ACTL6B: variants seen among roughly 807,000 people sequenced by gnomAD.
ACTL6B encodes actin-like protein 6B.
In ACTL6B, 48 loss-of-function variants were observed where a neutral mutation model predicts 63.3. The ratio of observed to expected loss-of-function variants is 0.76; its 90% CI spans 0.60 to 0.96. The LOEUF (loss-of-function observed/expected upper bound fraction) is 0.96. Among genes scored for constraint, ACTL6B ranks in the 50% least tolerant of loss-of-function variants. ACTL6B has a pLI of 0.00. For missense variants in ACTL6B, 350 were observed against 572.2 expected, an observed-to-expected ratio of 0.61 and a Z score of 3.96; for synonymous variants, 230 against 223.8, an observed-to-expected ratio of 1.03 and a Z score of -0.25.
At chr7:100,645,536 C>T (rs780663137) in intron 13 of ACTL6B, among the ~76,000 whole-genome samples, 1 of 152,126 alleles carries the variant, frequency 6.6e-6, no homozygotes, top group Non-Finnish European at 1.5e-5. Context: ...ACTCCCTTGC[C>T]CCAAAACATC....
rs759937974 is a variant in ACTL6B at position 100,655,788 on chromosome 7, G to A, written c.102+15C>T. ...CGAAGCCCCTAGGATTTGGAGAGGA[G>A]ACTGGAAGGCTCACCTTGGGACAGT... is the stretch of plus-strand genomic sequence containing the variant. On this transcript the variant is annotated intron_variant, in intron 2 of 13. Coordinates refer to ENST00000160382, the MANE Select transcript of ACTL6B (RefSeq NM_016188.5). This position sits in a 1 kb window ranked among gnomAD's most constrained non-coding sequence, Gnocchi z 4.4. The A allele has an allele frequency of 1.5e-5, 24 of 1,560,748 alleles. No individual in the cohort carries two copies. Among genetic ancestry groups the A allele is most frequent in the Non-Finnish European group, 2.1e-5 (24 of 1,151,932 alleles).
chr7:100,648,713 C>T lies in ACTL6B; in HGVS notation c.562+16G>A, dbSNP rs758542392. ...TGGTCCTCCTGGAGCACCCCCACCC[C>T]CTGCCGAAGCCCCACCTTGCTGCAG... On this transcript the variant is annotated intron_variant, in intron 6 of 13. Transcript: ENST00000160382. The surrounding 1 kb of genome is among the most constrained non-coding windows in gnomAD (Gnocchi z 4.4). The T allele has an allele frequency of 6.2e-7, 1 of 1,613,912 alleles. No individual in the cohort carries two copies. Among genetic ancestry groups the T allele is most frequent in the Non-Finnish European group, 8.5e-7 (1 of 1,179,928 alleles).
At chr7:100,652,643 A>G (rs1164213960) in intron 4 of ACTL6B, among the ~76,000 whole-genome samples, 3 of 151,856 alleles carry the variant, frequency 2.0e-5, no homozygotes, top group Non-Finnish European at 2.9e-5. Context: ...ACGTCTTGAC[A>G]AAAGATACAA....
Position 100,646,344 on chromosome 7 carries a change from A to T in ACTL6B, c.1114-9T>A. On this transcript the variant is annotated splice_polypyrimidine_tract_variant and intron_variant, in intron 12 of 13. Coordinates refer to ENST00000160382, the MANE Select transcript of ACTL6B (RefSeq NM_016188.5). The surrounding 1 kb of genome is among the most constrained non-coding windows in gnomAD (Gnocchi z 6.1). ...AGTTTCAGTCGCATGCTCTGGGGGT[A>T]AAAAGGGGCTGGGGGAAGCAGACAC... 1 of 1,613,318 alleles carries T rather than the reference A, an allele frequency of 6.2e-7. No homozygotes were observed. The highest frequency in any genetic ancestry group is 8.5e-7 in the Non-Finnish European group (1 of 1,179,672).
chr7:100,644,096 C>T (rs1420166503), intron 13 of ACTL6B, among the ~76,000 whole-genome samples: 6 of 152,184 alleles, frequency 3.9e-5, no homozygotes, highest in South Asian at 2.1e-4. Flanking sequence ...GACAGGGTTT[C>T]GCCATGTTGG....
chr7:100,648,958 C>A lies in ACTL6B; in HGVS notation c.468-135G>T. The A allele has an allele frequency of 1.3e-6, 1 of 741,018 alleles. No individual in the cohort carries two copies. The highest frequency in any genetic ancestry group is 2.1e-6 in the Non-Finnish European group (1 of 476,780). 45.9% of individuals were successfully genotyped at this position (741,018 alleles called of 1,614,324 possible). On this transcript the variant is annotated intron_variant, in intron 5 of 13. Transcript: ENST00000160382. The surrounding 1 kb of genome is among the most constrained non-coding windows in gnomAD (Gnocchi z 4.4). ...TGCAAATCTCTCCCCCTGGTGATGACTCATCTCCTGGAGAAAGGCTCTGAG... is the reference window on the plus strand; with the variant it reads ...TGCAAATCTCTCCCCCTGGTGATGAATCATCTCCTGGAGAAAGGCTCTGAG...
In ACTL6B at chr7:100,656,377, GCC is replaced by G; in HGVS notation, c.-25_-24del. 4.5e-6 allele frequency: 6 copies of G among 1,322,708 alleles called. No individual in the cohort carries two copies. Among genetic ancestry groups the G allele is most frequent in the Non-Finnish European group, 5.8e-6 (6 of 1,032,086 alleles). 81.9% of individuals were successfully genotyped at this position (1,322,708 alleles called of 1,614,324 possible). Reference sequence around the variant, plus strand: ...CATAGTGCCCGCTGCGCTGCTAGCGGCCCGTGGGCGGTGGCGGGATCAGCACC... The same window carrying G: ...CATAGTGCCCGCTGCGCTGCTAGCGGCGTGGGCGGTGGCGGGATCAGCACC... On this transcript the variant is annotated 5_prime_UTR_variant, in exon 1 of 14. Coordinates refer to ENST00000160382, the MANE Select transcript of ACTL6B (RefSeq NM_016188.5).
chr7:100,655,967 G>T lies in ACTL6B; in HGVS notation c.26-88C>A. The T allele has an allele frequency of 7.4e-7, 1 of 1,357,574 alleles. No homozygotes were observed. Among genetic ancestry groups the T allele is most frequent in the Non-Finnish European group, 1.0e-6 (1 of 995,796 alleles). The allele number at this position is 1,357,574 out of a possible 1,614,324, so 84.1% of individuals were successfully genotyped here. Reference sequence around the variant, plus strand: ...GAGAGAAAGTCAGGGCAGAGCCACAGTCTCGCCACTTTCAACACCAGTCTG... The same window carrying T: ...GAGAGAAAGTCAGGGCAGAGCCACATTCTCGCCACTTTCAACACCAGTCTG... On this transcript the variant is annotated intron_variant, in intron 1 of 13. Transcript: ENST00000160382. The surrounding 1 kb of genome is among the most constrained non-coding windows in gnomAD (Gnocchi z 4.4).
chr7:100,647,533 C>T lies in ACTL6B; in HGVS notation c.670G>A (p.Glu224Lys), dbSNP rs1803847810. The change falls in exon 8 of 14, where the codon GAG becomes AAG. Residue 224 changes from glutamate (E) to lysine (K), a missense_variant and splice_region_variant. Physicochemically the swap from Glu to Lys is moderately conservative, Grantham distance 56. Transcript: ENST00000160382. The surrounding 1 kb of genome is among the most constrained non-coding windows in gnomAD (Gnocchi z 4.4). ...IIPPYMIAAK[E>K]PVREGAPPNW... Reference sequence around the variant, plus strand: ...GGGGGGGCACCCTCCCGGACAGGCTCCTGTGGGGGCACAGTGTAGGAACAC... The same window carrying T: ...GGGGGGGCACCCTCCCGGACAGGCTTCTGTGGGGGCACAGTGTAGGAACAC... The T allele has an allele frequency of 1.9e-6, 3 of 1,592,612 alleles. No individual in the cohort carries two copies. The highest frequency in any genetic ancestry group is 1.7e-6 in the Non-Finnish European group (2 of 1,169,662).
At chr7:100,654,938 G>T in intron 4 of ACTL6B, 81 bp downstream of exon 4, 1 of 1,206,152 alleles carries the variant, frequency 8.3e-7, no homozygotes, top group African/African-American at 1.5e-5. Flanking sequence ...AGTGGCTTGA[G>T]GGGAGAGGAG....
At chr7:100,643,753 T>C (rs1803766951) in intron 13 of ACTL6B, among the ~76,000 whole-genome samples, 1 of 152,122 alleles carries the variant, frequency 6.6e-6, no homozygotes, top group Non-Finnish European at 1.5e-5. Context: ...CCAAGGAAGA[T>C]ATTCCCTCCA....
chr7:100,656,196 G>T, intron 1 of ACTL6B, 134 bp downstream of exon 1: 2 of 1,100,716 alleles, frequency 1.8e-6, no homozygotes, highest in Non-Finnish European at 2.4e-6. Context: ...GCGCAGGGGT[G>T]GCGGGAGACC....
At chr7:100,656,220 C>T in intron 1 of ACTL6B, 110 bp downstream of exon 1, 1 of 1,256,948 alleles carries the variant, frequency 8.0e-7, no homozygotes. Flanking sequence ...GCCTGAGACT[C>T]GACCCGCTCG....
Position 100,643,183 on chromosome 7 carries a change from G to A in ACTL6B, c.*63C>T. On this transcript the variant is annotated 3_prime_UTR_variant, in exon 14 of 14. Coordinates refer to ENST00000160382, the MANE Select transcript of ACTL6B (RefSeq NM_016188.5). ...AGAGGGAAAGGAGGAGGGGGGCAAT[G>A]TGGCATGGGGGTTAAGGGACTTCCA... The A allele has an allele frequency of 6.8e-7, 1 of 1,460,908 alleles. No homozygotes were observed. Among genetic ancestry groups the A allele is most frequent in the Non-Finnish European group, 9.6e-7 (1 of 1,043,136 alleles). The allele number at this position is 1,460,908 out of a possible 1,614,324, so 90.5% of individuals were successfully genotyped here. A position where few individuals can be genotyped will look rare whatever the true frequency, so the allele number is the denominator to read the frequency against.
In ACTL6B at chr7:100,656,329, C is replaced by A. The variant is rs1804039375; in HGVS notation, c.25+1G>T. On this transcript the variant is annotated splice_donor_variant, in intron 1 of 13. Transcript: ENST00000160382. LOFTEE classifies it high-confidence loss of function. ...GAGCCGGGGGCCCGAGGCTCGCTCACCTCCGCCGTAGACGCCCCCGCTCAT... is the reference window on the plus strand; with the variant it reads ...GAGCCGGGGGCCCGAGGCTCGCTCAACTCCGCCGTAGACGCCCCCGCTCAT... The A allele has an allele frequency of 7.2e-7, 1 of 1,387,698 alleles. No homozygotes were observed. Among genetic ancestry groups the A allele is most frequent in the Non-Finnish European group, 9.4e-7 (1 of 1,066,872 alleles). The allele number at this position is 1,387,698 out of a possible 1,614,324, so 86.0% of individuals were successfully genotyped here. A position where few individuals can be genotyped will look rare whatever the true frequency, so the allele number is the denominator to read the frequency against.
chr7:100,654,839 C>T (rs1225553720), intron 4 of ACTL6B, among the ~76,000 whole-genome samples, 180 bp downstream of exon 4: 1 of 151,164 alleles, frequency 6.6e-6, no homozygotes, highest in Non-Finnish European at 1.5e-5. Flanking sequence ...AAGAAGAGAG[C>T]AGGAGGGATG....
At position 100,646,337 on chromosome 7, in the gene ACTL6B, T is replaced by TG. The variant is rs748589152; in HGVS notation, c.1114-3dup. The TG allele has an allele frequency of 1.9e-6, 3 of 1,613,306 alleles. No individual in the cohort carries two copies. The East Asian group carries it at 6.7e-5, about 36-fold the overall frequency. On this transcript the variant is annotated splice_polypyrimidine_tract_variant and splice_region_variant and intron_variant, in intron 12 of 13. Coordinates refer to ENST00000160382, the MANE Select transcript of ACTL6B (RefSeq NM_016188.5). This position sits in a 1 kb window ranked among gnomAD's most constrained non-coding sequence, Gnocchi z 6.1. ...GGCAATGAGTTTCAGTCGCATGCTC[T>TG]GGGGGTAAAAAGGGGCTGGGGGAAG...
Position 100,648,486 on chromosome 7 carries a change from C to T in ACTL6B, c.669+70G>A. 1 of 1,335,498 alleles carries T rather than the reference C, an allele frequency of 7.5e-7. No individual in the cohort carries two copies. Among genetic ancestry groups the T allele is most frequent in the Non-Finnish European group, 1.0e-6 (1 of 984,526 alleles). 82.7% of individuals were successfully genotyped at this position (1,335,498 alleles called of 1,614,324 possible). ...CTCTCTGCTCTGATATCTCATGTGT[C>T]AGAGGGTTGACGGCCATGGGGCGAG... On this transcript the variant is annotated intron_variant, in intron 7 of 13. Coordinates refer to ENST00000160382, the MANE Select transcript of ACTL6B (RefSeq NM_016188.5). The surrounding 1 kb of genome is among the most constrained non-coding windows in gnomAD (Gnocchi z 4.4).
chr7:100,648,839 T>C lies in ACTL6B; in HGVS notation c.468-16A>G. 1.2e-6 allele frequency: 2 copies of C among 1,611,020 alleles called. No individual in the cohort carries two copies. Among genetic ancestry groups the C allele is most frequent in the Non-Finnish European group, 1.7e-6 (2 of 1,178,896 alleles). ...GTTTGCAAAGCTGGCATCGGATGGG[T>C]AAGTCAAAGAGACAGCAGCAGCAAG... On this transcript the variant is annotated splice_polypyrimidine_tract_variant and intron_variant, in intron 5 of 13. Coordinates refer to ENST00000160382, the MANE Select transcript of ACTL6B (RefSeq NM_016188.5). The surrounding 1 kb of genome is among the most constrained non-coding windows in gnomAD (Gnocchi z 4.4).
Sources: gnomAD v4.1 joint callset for allele counts (sites outside exome capture counted in the v4.1 genomes callset) on GRCh38, gnomAD v4.1.1 for gene constraint, Gnocchi (gnomAD v3.1) non-coding constraint, MANE v1.5 for transcripts, NCBI Gene and HGNC (gene_info 2026-07-23, HGNC 2026-07-21) for gene names.